The following GRAMD4 variants were observed in gnomAD, a reference collection of about 807,000 sequenced individuals.
GRAMD4 encodes GRAM domain-containing protein 4.
A neutral mutation model predicts 83.9 loss-of-function variants in GRAMD4; 25 were observed. The observed-to-expected ratio is 0.30, with a 90% CI of 0.22 to 0.42. The LOEUF (loss-of-function observed/expected upper bound fraction) is 0.42. Ranked by LOEUF, GRAMD4 falls within the 10% of genes least tolerant of loss-of-function variation. GRAMD4 has a pLI of 1.00. For missense variants in GRAMD4, 593 were observed against 788.7 expected, an observed-to-expected ratio of 0.75 and a Z score of 2.97; for synonymous variants, 336 against 320.9, an observed-to-expected ratio of 1.05 and a Z score of -0.50.
At chr22:46,666,976 G>C in intron 10 of GRAMD4, 103 bp downstream of exon 10, 1 of 820,626 alleles carries the variant, frequency 1.2e-6, no homozygotes, top group East Asian at 2.9e-5. Context: ...GAGGCCATGT[G>C]GTCATCCCCC....
Position 46,622,732 on chromosome 22 carries a change from C to T in GRAMD4, c.-50+2167C>T, listed in dbSNP as rs542906561. On this transcript the variant is annotated intron_variant, in intron 1 of 18. Coordinates refer to ENST00000406902, the MANE Select transcript of GRAMD4 (RefSeq NM_015124.5). This position sits in a 1 kb window ranked among gnomAD's most constrained non-coding sequence, Gnocchi z 4.0. ...ATTGAGACCATCCTGGCTAACATGGCGAAACTCCGTCTCTACTAAAAATAC... is the reference window on the plus strand; with the variant it reads ...ATTGAGACCATCCTGGCTAACATGGTGAAACTCCGTCTCTACTAAAAATAC... Among the ~76,000 whole-genome samples, 53 of 152,028 alleles carry T rather than the reference C, an allele frequency of 3.5e-4. No individual in the cohort carries two copies. The highest frequency in any genetic ancestry group is 1.2e-3 in the African/African-American group (48 of 41,500).
At position 46,599,891 on chromosome 22, in the gene GRAMD4, G is replaced by A. The variant is rs548321073; in HGVS notation, c.-50+22601G>A. Among the ~76,000 whole-genome samples, 12 of 152,266 alleles carry A rather than the reference G, an allele frequency of 7.9e-5. 1 individual carries two copies. The South Asian group carries it at 2.1e-3, about 26-fold the overall frequency. On this transcript the variant is annotated intron_variant, in intron 1 of 1. Transcript: ENST00000431155. The stretch of plus-strand genomic sequence containing the variant: ...GTGACCATCGGAAGGCTTTCCCCAC[G>A]TGGGGACTCCTTAGTCCTGAGTCAG...
intron 3 of GRAMD4, among the ~76,000 whole-genome samples, chr22:46,651,141 C>T (rs1250358596): frequency 1.3e-5 from 2 of 152,206 alleles, no homozygotes; most frequent in Admixed American, 6.5e-5. Context: ...GGGGAGCAGA[C>T]CCCTGGATGA....
In GRAMD4 at chr22:46,678,242, C is replaced by G; in HGVS notation, c.*991C>G. 1 of 985,490 alleles carries G rather than the reference C, an allele frequency of 1.0e-6. No homozygotes were observed. The highest frequency in any genetic ancestry group is 1.2e-6 in the Non-Finnish European group (1 of 829,964). The allele number at this position is 985,490 out of a possible 1,614,324, so 61.0% of individuals were successfully genotyped here. A position where few individuals can be genotyped will look rare whatever the true frequency, so the allele number is the denominator to read the frequency against. The stretch of plus-strand genomic sequence containing the variant: ...ACCATGGTGGCCCAGGCTGCAGCCG[C>G]CTTTGGGCCATCCGAGAGGCTCTGG... On this transcript the variant is annotated 3_prime_UTR_variant, in exon 19 of 19. Transcript: ENST00000406902.
chr22:46,668,072 A>G, intron 10 of GRAMD4, 24 bp from the exon 11 acceptor site: 2 of 1,544,294 alleles, frequency 1.3e-6, no homozygotes, highest in Non-Finnish European at 1.8e-6. Flanking sequence ...TCAGTGGAAA[A>G]TTCTCTTTCC....
chr22:46,601,137 CTG>C (rs1333759501), intron 1 of GRAMD4, among the ~76,000 whole-genome samples: 1 of 151,018 alleles, frequency 6.6e-6, no homozygotes, highest in Admixed American at 6.6e-5. Context: ...GAGCGAGACT[CTG>C]TCTCAAAGAA....
chr22:46,611,192 G>T (rs2081413224), intron 1 of GRAMD4, among the ~76,000 whole-genome samples: 1 of 150,678 alleles, frequency 6.6e-6, no homozygotes, highest in Non-Finnish European at 1.5e-5. Flanking sequence ...GTCCAGCCTG[G>T]GTAACAGGAG....
intron 3 of GRAMD4, among the ~76,000 whole-genome samples, chr22:46,652,737 A>G (rs2542021): frequency 1 from 152,353 of 152,372 alleles, 76,167 homozygotes; most frequent in Middle Eastern, 1. Context: ...GTGCCTGGAC[A>G]GGGGCCGGGG....
At chr22:46,680,753 TCCAC>T (rs1569313710), downstream of GRAMD4, among the ~76,000 whole-genome samples, 3 of 83,616 alleles carry the variant, frequency 3.6e-5, no homozygotes, top group African/African-American at 4.9e-5. Context: ...CATCCATCCA[TCCAC>T]CCACCCATCC....
intron 1 of GRAMD4, among the ~76,000 whole-genome samples, chr22:46,582,986 G>A (rs543715099): frequency 6.6e-6 from 1 of 152,278 alleles, no homozygotes; most frequent in East Asian, 1.9e-4. Flanking sequence ...GTGCAATGGT[G>A]CGATCTCAGC....
intron 5 of GRAMD4, 79 bp downstream of exon 5, chr22:46,661,521 G>C: frequency 9.8e-7 from 1 of 1,019,828 alleles, no homozygotes; most frequent in Non-Finnish European, 1.5e-6. Flanking sequence ...GTAGGCCCAG[G>C]TTAACAATGG....
At chr22:46,625,172 T>G (rs1039726412) in intron 1 of GRAMD4, among the ~76,000 whole-genome samples, 1 of 152,194 alleles carries the variant, frequency 6.6e-6, no homozygotes, top group African/African-American at 2.4e-5. Flanking sequence ...CTGTGGGTTT[T>G]GCAGCAGGGC....
rs143441268 is a variant in GRAMD4 at position 46,589,309 on chromosome 22, C to G, written c.-50+12019C>G. ...GGGAGCCGTGGGTGTGGGGGCAGCT[C>G]TGATATGTGGGGGAGCCCTGGGTGT... On this transcript the variant is annotated intron_variant, in intron 1 of 1. Transcript: ENST00000431155. Among the ~76,000 whole-genome samples, 3 of 124,516 alleles carry G rather than the reference C, an allele frequency of 2.4e-5. No individual in the cohort carries two copies. In the East Asian group the frequency reaches 7.1e-4, roughly 29 times the overall value. 81.7% of individuals were successfully genotyped at this position (124,516 alleles called of 152,430 possible).
chr22:46,585,497 T>G (rs1221379657), intron 1 of GRAMD4, among the ~76,000 whole-genome samples: 1 of 152,202 alleles, frequency 6.6e-6, no homozygotes, highest in Non-Finnish European at 1.5e-5. Flanking sequence ...GCTGCCTGTC[T>G]TGTTTTCTTG....
At chr22:46,596,363 G>A (rs1442775160) in intron 1 of GRAMD4, among the ~76,000 whole-genome samples, 5 of 152,234 alleles carry the variant, frequency 3.3e-5, no homozygotes, top group African/African-American at 1.2e-4. Context: ...GCAGGGTCCT[G>A]CAGGGACTCC....
At chr22:46,644,693 CCCTGTTTTTTTTTTTTTTT>C (rs2082042429) in intron 3 of GRAMD4, among the ~76,000 whole-genome samples, 1 of 125,558 alleles carries the variant, frequency 8.0e-6, no homozygotes, top group Admixed American at 8.3e-5. Flanking sequence ...TCCACTTGTT[CCCTGTTTTTTTTTTTTTTT>C]TTTTTTTTTT....
At chr22:46,638,611 G>C (rs1167396526) in intron 3 of GRAMD4, among the ~76,000 whole-genome samples, 2 of 152,238 alleles carry the variant, frequency 1.3e-5, no homozygotes. Context: ...CTGAGGCACA[G>C]AGGGTTCACA....
At chr22:46,661,295 G>A (rs544215021) in intron 4 of GRAMD4, 86 bp from the exon 5 acceptor site, 28 of 973,740 alleles carry the variant, frequency 2.9e-5, no homozygotes, top group East Asian at 2.6e-4. Flanking sequence ...TGCAGTACAC[G>A]GTCGCGAGAG....
At position 46,637,961 on chromosome 22, in the gene GRAMD4, G is replaced by A; in HGVS notation, c.283+1G>A. On this transcript the variant is annotated splice_donor_variant, in intron 3 of 18. Transcript: ENST00000406902. LOFTEE classifies it high-confidence loss of function. Reference sequence around the variant, plus strand: ...GCCTTATTGGAAAAACATTTCTTACGTGAGTACCAGAAAGCGCTTGGAGGG... The same window carrying A: ...GCCTTATTGGAAAAACATTTCTTACATGAGTACCAGAAAGCGCTTGGAGGG... 6.2e-7 allele frequency: 1 copy of A among 1,613,404 alleles called. No homozygotes were observed. The highest frequency in any genetic ancestry group is 1.7e-4 in the Middle Eastern group (1 of 6,056).
Sources: gnomAD v4.1 joint callset for allele counts (sites outside exome capture counted in the v4.1 genomes callset) on GRCh38, gnomAD v4.1.1 for gene constraint, Gnocchi (gnomAD v3.1) non-coding constraint, MANE v1.5 for transcripts, NCBI Gene and HGNC (gene_info 2026-07-23, HGNC 2026-07-21) for gene names.